DCDC1: variants seen among roughly 807,000 people sequenced by gnomAD.
DCDC1 encodes the protein doublecortin domain containing 1.
In DCDC1, 200 loss-of-function variants were observed where a neutral mutation model predicts 178.3. The observed-to-expected ratio is 1.12, with a 90% CI of 1.00 to 1.26. The LOEUF (loss-of-function observed/expected upper bound fraction) is 1.26, where lower values mean the gene tolerates loss of function less well. Among genes scored for constraint, DCDC1 ranks in the 50% most tolerant of loss-of-function variants. The pLI is 0.00. For missense variants in DCDC1, 1,983 were observed against 1,749.2 expected (o/e 1.13, Z -2.38); for synonymous variants, 690 against 604.8 (o/e 1.14, Z -2.07).
At chr11:31,122,166 C>T (rs1404557345) in intron 11 of DCDC1, among the ~76,000 whole-genome samples, 6 of 152,102 alleles carry the variant, frequency 3.9e-5, no homozygotes, top group South Asian at 2.1e-4. Context: ...TGGTACACTG[C>T]GGCCTTTGCT....
At chr11:31,321,747 A>C (rs1164435844) in intron 3 of DCDC1, among the ~76,000 whole-genome samples, 1 of 152,212 alleles carries the variant, frequency 6.6e-6, no homozygotes, top group Non-Finnish European at 1.5e-5. Context: ...TACTCCCTTC[A>C]AAAAATAAAT....
intron 11 of DCDC1, among the ~76,000 whole-genome samples, chr11:31,116,241 AC>A (rs768627176): frequency 8.8e-5 from 5 of 56,876 alleles, no homozygotes; most frequent in African/African-American, 2.3e-4. Context: ...ATCAAAATTT[AC>A]CTTATATCTA....
intron 6 of DCDC1, among the ~76,000 whole-genome samples, chr11:31,298,884 A>T (rs887206486): frequency 1.3e-5 from 2 of 152,200 alleles, no homozygotes; most frequent in Non-Finnish European, 2.9e-5. Context: ...CAAGCTTATT[A>T]AAAAAATTTG....
At chr11:31,351,011 A>T (rs1951045795) in intron 1 of DCDC1, among the ~76,000 whole-genome samples, 1 of 152,086 alleles carries the variant, frequency 6.6e-6, no homozygotes, top group African/African-American at 2.4e-5. Flanking sequence ...ATTATGAATC[A>T]AAATATTAAG....
At chr11:30,983,963 T>C (rs935520862) in intron 20 of DCDC1, among the ~76,000 whole-genome samples, 1 of 152,206 alleles carries the variant, frequency 6.6e-6, no homozygotes, top group Non-Finnish European at 1.5e-5. Flanking sequence ...AACAATGCTC[T>C]TATTCCCAAG....
intron 1 of DCDC1, among the ~76,000 whole-genome samples, chr11:31,356,894 T>C (rs1659845222): frequency 6.6e-6 from 1 of 152,122 alleles, no homozygotes; most frequent in African/African-American, 2.4e-5. Flanking sequence ...CAGGAAGAAG[T>C]TGAATCTCTG....
chr11:30,995,901 TAAAG>T, intron 20 of DCDC1, among the ~76,000 whole-genome samples: 1 of 152,172 alleles, frequency 6.6e-6, no homozygotes, highest in African/African-American at 2.4e-5. Flanking sequence ...CGATCATCCA[TAAAG>T]AAACAAAATT....
intron 20 of DCDC1, among the ~76,000 whole-genome samples, chr11:30,965,347 G>A (rs906022369): frequency 2.6e-5 from 4 of 151,994 alleles, no homozygotes; most frequent in Non-Finnish European, 5.9e-5. Flanking sequence ...GAAATATTGT[G>A]CTGGCCAGCA....
chr11:31,293,469 G>A (rs946695768), intron 6 of DCDC1, among the ~76,000 whole-genome samples: 2 of 152,184 alleles, frequency 1.3e-5, no homozygotes, highest in Admixed American at 6.5e-5. Context: ...GGTGAGGGGA[G>A]TGAAGGCCAA....
chr11:30,952,425 C>G lies in DCDC1; in HGVS notation c.2715+20G>C. ...TTAAAGTAAGTCTCAATGACCATCT[C>G]TTAAGCTAAGCAACACAACCTCATT... On this transcript the variant is annotated intron_variant, in intron 21 of 38. Coordinates refer to ENST00000684477, the MANE Select transcript of DCDC1 (RefSeq NM_001387274.1). 5.8e-6 allele frequency: 9 copies of G among 1,539,744 alleles called. No individual in the cohort carries two copies. Among genetic ancestry groups the G allele is most frequent in the Non-Finnish European group, 7.0e-6 (8 of 1,142,386 alleles).
intron 20 of DCDC1, among the ~76,000 whole-genome samples, chr11:30,969,883 A>C (rs1949682682): frequency 6.6e-6 from 1 of 152,202 alleles, no homozygotes. Flanking sequence ...TAACTGCATA[A>C]AAGTTCATAG....
intron 8 of DCDC1, among the ~76,000 whole-genome samples, chr11:31,243,095 A>C (rs960867192): frequency 1.3e-5 from 2 of 151,804 alleles, no homozygotes; most frequent in Non-Finnish European, 2.9e-5. Flanking sequence ...TGCTTTTCTA[A>C]GTCTTATAAC....
At chr11:31,332,362 TTG>T (rs1950037967) in intron 2 of DCDC1, among the ~76,000 whole-genome samples, 1 of 152,200 alleles carries the variant, frequency 6.6e-6, no homozygotes, top group African/African-American at 2.4e-5. Context: ...TGAAGGGATT[TTG>T]TGTGTCTATC....
intron 9 of DCDC1, among the ~76,000 whole-genome samples, chr11:31,190,079 T>C (rs568043284): frequency 1.3e-5 from 2 of 152,184 alleles, no homozygotes; most frequent in Non-Finnish European, 2.9e-5. Context: ...TTTAAGGGTG[T>C]GTTTCACTGA....
chr11:30,943,802 C>G, intron 21 of DCDC1: 1 of 324,198 alleles, frequency 3.1e-6, no homozygotes, highest in South Asian at 2.6e-5. Flanking sequence ...TTATCAATTG[C>G]CTTTTAGTAT....
At position 30,931,760 on chromosome 11, in the gene DCDC1, G is replaced by C. The variant is rs372309006; in HGVS notation, c.2897+11C>G. ...AAGTGTATTTAATAAGTATGAACAA[G>C]TTGTTCTTACTGCGTTTTCCGTCCA... On this transcript the variant is annotated intron_variant, in intron 22 of 38. Transcript: ENST00000684477. 13 of 1,605,056 alleles carry C rather than the reference G, an allele frequency of 8.1e-6. No homozygotes were observed. The African/African-American group carries it at 1.5e-4, about 18-fold the overall frequency.
chr11:31,041,901 CAT>C (rs1223562946), intron 20 of DCDC1, among the ~76,000 whole-genome samples: 1 of 152,120 alleles, frequency 6.6e-6, no homozygotes, highest in Non-Finnish European at 1.5e-5. Context: ...GTTTATATGT[CAT>C]ATAAAATATT....
chr11:30,972,459 A>C (rs2134697502), intron 20 of DCDC1, among the ~76,000 whole-genome samples: 2 of 152,268 alleles, frequency 1.3e-5, no homozygotes, highest in South Asian at 4.1e-4. Flanking sequence ...CCCTACAAAA[A>C]ATGCTTAAAA....
chr11:31,366,664 C>T (rs1327655912), intron 1 of DCDC1, among the ~76,000 whole-genome samples: 1 of 152,138 alleles, frequency 6.6e-6, no homozygotes, highest in African/African-American at 2.4e-5. Context: ...ACCAGGAGTT[C>T]CATCTATGTC....
Sources: allele counts gnomAD v4.1 joint callset (sites outside exome capture counted in the v4.1 genomes callset), GRCh38; gene constraint gnomAD v4.1.1; transcripts MANE v1.5; gene names NCBI Gene and HGNC (gene_info 2026-07-23, HGNC 2026-07-21).